DACH2: variants seen among roughly 807,000 people sequenced by gnomAD.
DACH2 encodes dachshund family transcription factor 2.
DACH2 carries 17 observed loss-of-function variants against 35.8 expected under a neutral mutation model. The ratio of observed to expected loss-of-function variants is 0.48; its 90% CI spans 0.33 to 0.71. DACH2 has a LOEUF of 0.71. Among genes scored for constraint, DACH2 ranks in the 30% least tolerant of loss-of-function variants. The pLI is 0.02. For missense variants in DACH2, 469 were observed against 472.7 expected (o/e 0.99, Z 0.07); for synonymous variants, 195 against 177.3 (o/e 1.10, Z -0.79).
intron 7 of DACH2, among the ~76,000 whole-genome samples, chrX:86,745,047 TC>T (rs1569477162): frequency 9.0e-6 from 1 of 110,972 alleles, no homozygotes; most frequent in African/African-American, 3.3e-5. Flanking sequence ...TGGAAAACTC[TC>T]TATGTGCAAG....
At chrX:86,732,276 G>A (rs1056388157) in intron 6 of DACH2, among the ~76,000 whole-genome samples, 1 of 112,038 alleles carries the variant, frequency 8.9e-6, no homozygotes, top group Non-Finnish European at 1.9e-5. Flanking sequence ...GGCTTATTGT[G>A]CTATTGTCTT....
At chrX:86,185,210 A>G in intron 1 of DACH2, among the ~76,000 whole-genome samples, 1 of 111,449 alleles carries the variant, frequency 9.0e-6, no homozygotes, top group East Asian at 2.8e-4. Context: ...CTTTTGAAAA[A>G]CCTAAGGTTA....
chrX:86,618,894 CATTGGCTACCACACTAGA>C lies in DACH2; in HGVS notation c.641-32134_641-32117del, dbSNP rs751718555. Among the ~76,000 whole-genome samples, 4 of 111,996 alleles carry C rather than the reference CATTGGCTACCACACTAGA, an allele frequency of 3.6e-5. No individual in the cohort carries two copies. The East Asian group carries it at 8.4e-4, about 24-fold the overall frequency. ...TATACTTGCTTATTTATATAAACTA[CATTGGCTACCACACTAGA>C]ATTGGCTCTTACCATGACTTAGGTT... On this transcript the variant is annotated intron_variant, in intron 3 of 11. Transcript: ENST00000373125.
At chrX:86,698,519 G>T (rs377626865) in intron 5 of DACH2, among the ~76,000 whole-genome samples, 3,333 of 31,804 alleles carry the variant, frequency 0.1, 196 homozygotes, top group Middle Eastern at 0.16. Flanking sequence ...TGTTAGTTTT[G>T]TGTTTTTTTT....
At chrX:86,799,046 GTA>G (rs1297451051) in intron 7 of DACH2, 1 of 282,881 alleles carries the variant, frequency 3.5e-6, no homozygotes, top group East Asian at 1.0e-4. Context: ...ATAGCAGGTG[GTA>G]TTCTTTCCCA....
chrX:86,386,590 C>G (rs1602463578), intron 2 of DACH2, among the ~76,000 whole-genome samples: 2 of 111,330 alleles, frequency 1.8e-5, no homozygotes, highest in Middle Eastern at 9.3e-3. Context: ...GCATAGACTT[C>G]TAGGTGTTTA....
chrX:86,776,974 A>G (rs983962306), intron 7 of DACH2, among the ~76,000 whole-genome samples: 2 of 111,510 alleles, frequency 1.8e-5, no homozygotes, highest in African/African-American at 6.5e-5. Context: ...CATTTTCTTA[A>G]TCCAGTCTAT....
At chrX:86,727,559 G>A (rs1236885445) in intron 6 of DACH2, among the ~76,000 whole-genome samples, 1 of 111,150 alleles carries the variant, frequency 9.0e-6, no homozygotes, top group Admixed American at 9.6e-5. Flanking sequence ...CTGGTGGAAG[G>A]TGTTTGGATC....
intron 1 of DACH2, chrX:86,184,209 C>G (rs2147885741): frequency 6.2e-6 from 1 of 162,381 alleles, no homozygotes; most frequent in Non-Finnish European, 1.1e-5. Flanking sequence ...TTCTAGTCTT[C>G]TGATTTTTTT....
At chrX:86,246,839 G>A (rs2033294408) in intron 1 of DACH2, among the ~76,000 whole-genome samples, 1 of 111,556 alleles carries the variant, frequency 9.0e-6, no homozygotes. Flanking sequence ...TATTAACCTT[G>A]AATGTAAACA....
chrX:86,521,338 A>G (rs184314425), intron 3 of DACH2, among the ~76,000 whole-genome samples: 1 of 111,162 alleles, frequency 9.0e-6, no homozygotes, highest in African/African-American at 3.3e-5. Flanking sequence ...TACCATTCTT[A>G]CTTTCATTTT....
At chrX:86,769,579 G>A (rs1250133497) in intron 7 of DACH2, among the ~76,000 whole-genome samples, 1 of 111,500 alleles carries the variant, frequency 9.0e-6, no homozygotes. Context: ...GTATGTATAG[G>A]ACTAGCTCAT....
intron 4 of DACH2, among the ~76,000 whole-genome samples, chrX:86,667,619 A>G (rs1370330044): frequency 9.1e-6 from 1 of 109,552 alleles, no homozygotes; most frequent in Admixed American, 9.6e-5. Context: ...AAAGAAAGGC[A>G]GGCAGGCCCT....
At chrX:86,496,221 CTA>C (rs1263047323) in intron 2 of DACH2, among the ~76,000 whole-genome samples, 1 of 111,510 alleles carries the variant, frequency 9.0e-6, no homozygotes, top group Non-Finnish European at 1.9e-5. Context: ...ATGTGATAAA[CTA>C]ATTCTTTAAT....
intron 2 of DACH2, among the ~76,000 whole-genome samples, chrX:86,398,474 G>T (rs2036347987): frequency 1.8e-5 from 2 of 111,762 alleles, no homozygotes. Flanking sequence ...TCTTTTAATT[G>T]TGATGTTAGG....
intron 1 of DACH2, among the ~76,000 whole-genome samples, chrX:86,321,669 A>G (rs1225326301): frequency 9.0e-6 from 1 of 111,011 alleles, no homozygotes; most frequent in Non-Finnish European, 1.9e-5. Context: ...TTGTTCTACT[A>G]TAAAGATATA....
chrX:86,772,763 TC>T (rs1190597817), intron 7 of DACH2, among the ~76,000 whole-genome samples: 1 of 111,410 alleles, frequency 9.0e-6, no homozygotes, highest in African/African-American at 3.3e-5. Flanking sequence ...CAAAGCGGCT[TC>T]CATAGACACA....
intron 2 of DACH2, among the ~76,000 whole-genome samples, chrX:86,475,323 G>T (rs1450901858): frequency 5.4e-5 from 6 of 111,491 alleles, no homozygotes; most frequent in Non-Finnish European, 7.5e-5. Flanking sequence ...TTCAATCCAT[G>T]AAAAGGAATA....
rs374092877 is a variant in DACH2 at position 86,161,362 on chromosome X, A to G, written c.488+12254A>G. The G allele has an allele frequency of 1.1e-4, 113 of 1,032,754 alleles. No individual in the cohort carries two copies. In the South Asian group the frequency reaches 2.3e-3, roughly 21 times the overall value. 85.1% of individuals were successfully genotyped at this position (1,032,754 alleles called of 1,213,427 possible). On this transcript the variant is annotated intron_variant, in intron 1 of 11. Transcript: ENST00000373125. ...GTCCCTGTAATCACGTTCTTAATGG[A>G]TACAGTAGTCATTACAGGTGTTAGC...
Sources: gnomAD v4.1 joint callset for allele counts (sites outside exome capture counted in the v4.1 genomes callset) on GRCh38, gnomAD v4.1.1 for gene constraint, MANE v1.5 for transcripts, NCBI Gene and HGNC (gene_info 2026-07-23, HGNC 2026-07-21) for gene names.